The following MTMR8 variants were observed in gnomAD, a reference collection of about 807,000 sequenced individuals.
MTMR8 encodes myotubularin related protein 8.
A neutral mutation model predicts 39.3 loss-of-function variants in MTMR8; 65 were observed. The ratio of observed to expected loss-of-function variants is 1.65; its 90% CI spans 1.35 to 2.03. MTMR8 has a LOEUF of 2.03. Ranked by LOEUF, MTMR8 falls within the 30% of genes most tolerant of loss-of-function variation. The pLI is 0.00. For synonymous variants in MTMR8, 245 were observed against 185.2 expected, an observed-to-expected ratio of 1.32 and a Z score of -2.62; for missense variants, 777 against 538.9, an observed-to-expected ratio of 1.44 and a Z score of -4.37.
In MTMR8 at chrX:64,331,749, T is replaced by G; in HGVS notation, c.1160A>C (p.His387Pro). 1 of 1,203,580 alleles carries G rather than the reference T, an allele frequency of 8.3e-7. No individual in the cohort carries two copies. Among genetic ancestry groups the G allele is most frequent in the African/African-American group, 1.7e-5 (1 of 57,637 alleles). ...MGHKFSQRCGHLDGDSKEVSP... is the reference protein window; with the variant it reads ...MGHKFSQRCGPLDGDSKEVSP... ...CACTTCTTTAGAGTCCCCATCGAGG[T>G]GGCCACACCTGAGAGATGAAAATAA... Residue 387 changes from histidine (H) to proline (P), a missense_variant, in exon 11 of 14, where the codon CAC (histidine) becomes CCC (proline). Transcript: ENST00000374852.
intron 4 of MTMR8, among the ~76,000 whole-genome samples, chrX:64,354,152 G>T (rs1923558076): frequency 9.3e-6 from 1 of 107,804 alleles, no homozygotes; most frequent in Admixed American, 1.0e-4. Context: ...GTAGAATGAT[G>T]GTTACCAAAG....
chrX:64,288,817 A>G (rs755300118), intron 12 of MTMR8, among the ~76,000 whole-genome samples: 1 of 110,201 alleles, frequency 9.1e-6, no homozygotes, highest in African/African-American at 3.3e-5. Context: ...GAAATGAACA[A>G]TGAGAACACT....
chrX:64,375,694 C>T (rs1924251101), intron 1 of MTMR8, among the ~76,000 whole-genome samples: 1 of 111,663 alleles, frequency 9.0e-6, no homozygotes, highest in African/African-American at 3.3e-5. Context: ...GCAAAAAGAC[C>T]ACTGTCTATG....
intron 12 of MTMR8, among the ~76,000 whole-genome samples, chrX:64,325,774 G>T (rs1209107231): frequency 2.7e-5 from 3 of 111,661 alleles, no homozygotes; most frequent in Non-Finnish European, 5.7e-5. Context: ...CTTAGTATTT[G>T]AATTCCTAGC....
At chrX:64,332,001 C>G (rs1273161872) in intron 10 of MTMR8, among the ~76,000 whole-genome samples, 1 of 111,716 alleles carries the variant, frequency 9.0e-6, no homozygotes, top group African/African-American at 3.3e-5. Context: ...TTTATACACC[C>G]TCTTTCCAAT....
rs988235187 is a variant in MTMR8, at chrX:64,308,069, T to C, written c.1481+20703A>G. 4.5e-5 allele frequency among the ~76,000 whole-genome samples: 5 copies of C among 111,426 alleles called. No individual in the cohort carries two copies. The South Asian group carries it at 1.9e-3, about 42-fold the overall frequency. The stretch of plus-strand genomic sequence containing the variant: ...CGTTGAAGTCACCTATGTTGATGGG[T>C]GCAGCACACCAACATGGCACATGTA... On this transcript the variant is annotated intron_variant, in intron 12 of 13. Coordinates refer to ENST00000374852, the MANE Select transcript of MTMR8 (RefSeq NM_017677.4).
intron 12 of MTMR8, among the ~76,000 whole-genome samples, chrX:64,302,455 G>A (rs975511397): frequency 2.7e-5 from 3 of 111,812 alleles, no homozygotes; most frequent in Admixed American, 9.4e-5. Context: ...ACTGGCCTGC[G>A]CCCACTGTCT....
chrX:64,391,693 C>T (rs1358319373), intron 1 of MTMR8, among the ~76,000 whole-genome samples: 1 of 112,302 alleles, frequency 8.9e-6, no homozygotes, highest in African/African-American at 3.2e-5. Flanking sequence ...AGACATTGTT[C>T]TAAGCACTTT....
intron 12 of MTMR8, among the ~76,000 whole-genome samples, chrX:64,281,354 T>C (rs922115113): frequency 2.7e-5 from 3 of 111,112 alleles, no homozygotes; most frequent in African/African-American, 9.8e-5. Context: ...AAAACAGACA[T>C]ATAGACAAAT....
At chrX:64,303,629 A>G (rs771705508) in intron 12 of MTMR8, among the ~76,000 whole-genome samples, 1 of 112,609 alleles carries the variant, frequency 8.9e-6, no homozygotes, top group Non-Finnish European at 1.9e-5. Context: ...TGTATAAATT[A>G]CATCACATTT....
intron 7 of MTMR8, among the ~76,000 whole-genome samples, chrX:64,344,282 G>A (rs1167407233): frequency 8.9e-6 from 1 of 111,938 alleles, no homozygotes; most frequent in Non-Finnish European, 1.9e-5. Flanking sequence ...GAGACCTAAG[G>A]AAGAGGGATA....
chrX:64,272,007 A>G (rs1931771935), intron 12 of MTMR8, among the ~76,000 whole-genome samples: 1 of 111,859 alleles, frequency 8.9e-6, no homozygotes, highest in African/African-American at 3.3e-5. Flanking sequence ...CATACTCTGG[A>G]TGCCTGGGGG....
At chrX:64,304,201 G>A (rs984357187) in intron 12 of MTMR8, among the ~76,000 whole-genome samples, 5 of 111,969 alleles carry the variant, frequency 4.5e-5, no homozygotes, top group Admixed American at 9.5e-5. Context: ...AGGGGTAAGG[G>A]GAAATAGAAA....
chrX:64,331,014 T>C (rs1264747684), intron 11 of MTMR8, among the ~76,000 whole-genome samples: 2 of 111,712 alleles, frequency 1.8e-5, no homozygotes, highest in East Asian at 2.8e-4. Context: ...GGGTTCAGTG[T>C]ATACTGCTCA....
At chrX:64,353,848 G>T (rs1260186015) in intron 4 of MTMR8, among the ~76,000 whole-genome samples, 2 of 110,642 alleles carry the variant, frequency 1.8e-5, no homozygotes, top group Non-Finnish European at 3.8e-5. Flanking sequence ...GACCACTTGA[G>T]CCCAAGAGAT....
At chrX:64,303,276 G>A (rs1382257284) in intron 12 of MTMR8, among the ~76,000 whole-genome samples, 1 of 111,408 alleles carries the variant, frequency 9.0e-6, no homozygotes, top group Admixed American at 9.6e-5. Context: ...TTTCTTTTAA[G>A]TTTTAATGTT....
intron 1 of MTMR8, among the ~76,000 whole-genome samples, chrX:64,369,990 G>C (rs979551644): frequency 1.8e-5 from 2 of 111,363 alleles, no homozygotes; most frequent in Non-Finnish European, 3.8e-5. Context: ...TGTTTTGAAA[G>C]ATGCATTCTA....
At chrX:64,347,981 A>G (rs1314172560) in intron 6 of MTMR8, among the ~76,000 whole-genome samples, 1 of 112,194 alleles carries the variant, frequency 8.9e-6, no homozygotes, top group African/African-American at 3.2e-5. Flanking sequence ...AGATTATTGG[A>G]AAGATCAAAG....
At chrX:64,344,843 C>T (rs964558793) in intron 7 of MTMR8, among the ~76,000 whole-genome samples, 3 of 111,000 alleles carry the variant, frequency 2.7e-5, no homozygotes, top group Non-Finnish European at 5.7e-5. Context: ...TGAAACTGCA[C>T]ATCTTAGTCC....
Sources: allele counts gnomAD v4.1 joint callset (sites outside exome capture counted in the v4.1 genomes callset), GRCh38; gene constraint gnomAD v4.1.1; transcripts MANE v1.5; gene names NCBI Gene and HGNC (gene_info 2026-07-23, HGNC 2026-07-21).